Variants in ITPKB observed in about 807,000 individuals in gnomAD.
The protein encoded by ITPKB is IP3 3-kinase B.
Under a neutral mutation model 69.4 loss-of-function variants are expected in ITPKB, and 13 were observed. The observed-to-expected ratio is 0.19, with a 90% CI of 0.12 to 0.30. The LOEUF (loss-of-function observed/expected upper bound fraction) is 0.30. ITPKB is among the 10% of genes least tolerant of loss of function. The pLI is 1.00. For missense variants in ITPKB, 1,240 were observed against 1,250.5 expected (o/e 0.99, Z 0.13); for synonymous variants, 584 against 513.7 (o/e 1.14, Z -1.85).
At chr1:226,671,095 T>C (rs911835624) in intron 2 of ITPKB, among the ~76,000 whole-genome samples, 2 of 152,218 alleles carry the variant, frequency 1.3e-5, no homozygotes, top group African/African-American at 4.8e-5. Context: ...GCTTTCTTCC[T>C]GTAGGTTCTG....
chr1:226,732,034 A>G (rs1657601783), intron 2 of ITPKB, among the ~76,000 whole-genome samples: 2 of 144,022 alleles, frequency 1.4e-5, no homozygotes, highest in Admixed American at 7.3e-5. Flanking sequence ...AACTGTTTGG[A>G]TTTTTTACTA....
In ITPKB at chr1:226,736,877, G is replaced by A. The variant is rs751113382; in HGVS notation, c.582C>T (p.Gly194=). 4.3e-6 allele frequency: 7 copies of A among 1,610,542 alleles called. No individual in the cohort carries two copies. Among genetic ancestry groups the A allele is most frequent in the Non-Finnish European group, 5.9e-6 (7 of 1,180,002 alleles). Residue 194 remains glycine (G), a synonymous_variant, in exon 2 of 8, where the codon GGC becomes GGT. Transcript: ENST00000429204. ...TTGTCCTCCGTTCCTCGCTCCGGGCGCCCTGAACCAGGACCCTTCCAGGGG... is the reference window on the plus strand; with the variant it reads ...TTGTCCTCCGTTCCTCGCTCCGGGCACCCTGAACCAGGACCCTTCCAGGGG... ...SQPPGRVLVQ[G]ARSEERRTKS...
chr1:226,709,103 C>T (rs1002642654), intron 2 of ITPKB, among the ~76,000 whole-genome samples: 11 of 152,234 alleles, frequency 7.2e-5, no homozygotes, highest in Admixed American at 5.9e-4. Flanking sequence ...GCCTCTGGGC[C>T]ACCAGCTGTC....
chr1:226,729,235 G>A (rs1284960062), intron 2 of ITPKB, among the ~76,000 whole-genome samples: 2 of 152,052 alleles, frequency 1.3e-5, no homozygotes, highest in African/African-American at 4.8e-5. Flanking sequence ...TGTAATCCCA[G>A]CACTTTGGGA....
rs1258939349 is a variant in ITPKB at position 226,679,615 on chromosome 1, AAAG to A, written c.1933-30847_1933-30845del. Among the ~76,000 whole-genome samples, 3 of 152,246 alleles carry A rather than the reference AAAG, an allele frequency of 2.0e-5. No individual in the cohort carries two copies. The East Asian group carries it at 5.8e-4, about 29-fold the overall frequency. On this transcript the variant is annotated intron_variant, in intron 2 of 7. Transcript: ENST00000429204. ...TGATGTTGAAAGAAGAAAGACGATA[AAAG>A]AAGGTTTTCCTCATCAGTCATTCAA... is the stretch of plus-strand genomic sequence containing the variant.
At chr1:226,700,691 T>C (rs371634090) in intron 2 of ITPKB, among the ~76,000 whole-genome samples, 5 of 152,234 alleles carry the variant, frequency 3.3e-5, no homozygotes, top group East Asian at 3.9e-4. Context: ...CAGGCTAGGA[T>C]TGAAACTCAG....
At chr1:226,678,487 A>ACT (rs1655968549) in intron 2 of ITPKB, among the ~76,000 whole-genome samples, 4 of 152,340 alleles carry the variant, frequency 2.6e-5, no homozygotes, top group Admixed American at 2.6e-4. Flanking sequence ...GTGGTTAGGA[A>ACT]CATGGTCTCT....
chr1:226,697,833 G>C (rs1007747041), intron 2 of ITPKB, among the ~76,000 whole-genome samples: 2 of 152,230 alleles, frequency 1.3e-5, no homozygotes, highest in Admixed American at 1.3e-4. Flanking sequence ...TCTGTGGCCT[G>C]CCCTGGCAGA....
intron 2 of ITPKB, 61 bp downstream of exon 2, chr1:226,735,466 G>A: frequency 6.9e-7 from 1 of 1,444,538 alleles, no homozygotes; most frequent in Non-Finnish European, 9.1e-7. Context: ...GGGATGCATA[G>A]GGCATCAAAA....
chr1:226,650,104 G>C (rs1669156478), intron 2 of ITPKB, among the ~76,000 whole-genome samples: 1 of 152,222 alleles, frequency 6.6e-6, no homozygotes. Flanking sequence ...TGAAGATGTG[G>C]TTCCCACTCC....
chr1:226,684,819 G>C (rs768275924), intron 2 of ITPKB, among the ~76,000 whole-genome samples: 2 of 152,188 alleles, frequency 1.3e-5, no homozygotes, highest in Non-Finnish European at 1.5e-5. Flanking sequence ...GACGTCCCTA[G>C]AGGCACACAG....
chr1:226,675,300 T>A (rs1214277690), intron 2 of ITPKB, among the ~76,000 whole-genome samples: 1 of 152,178 alleles, frequency 6.6e-6, no homozygotes, highest in Non-Finnish European at 1.5e-5. Context: ...CAACTTTCCA[T>A]TAGCAGCGTT....
Position 226,719,400 on chromosome 1 carries a change from C to T in ITPKB, c.1932+16127G>A, listed in dbSNP as rs76767865. Among the ~76,000 whole-genome samples the T allele has an allele frequency of 1.7e-4, 26 of 152,308 alleles. 1 individual carries two copies. In the East Asian group the frequency reaches 4.1e-3, roughly 24 times the overall value. On this transcript the variant is annotated intron_variant, in intron 2 of 7. Coordinates refer to ENST00000429204, the MANE Select transcript of ITPKB (RefSeq NM_002221.4). Reference sequence around the variant, plus strand: ...CCGTGCCCTGTGGTCGGTCACTTGCCGCCCCACATGGCCTTTACGATGGAG... The same window carrying T: ...CCGTGCCCTGTGGTCGGTCACTTGCTGCCCCACATGGCCTTTACGATGGAG...
chr1:226,673,600 T>C lies in ITPKB; in HGVS notation c.1933-24829A>G, dbSNP rs80065388. Among the ~76,000 whole-genome samples the C allele has an allele frequency of 1.7e-3, 263 of 152,316 alleles. 3 individuals carry two copies. The highest frequency in any genetic ancestry group is 6.2e-3 in the African/African-American group (256 of 41,574). On this transcript the variant is annotated intron_variant, in intron 2 of 7. Coordinates refer to ENST00000429204, the MANE Select transcript of ITPKB (RefSeq NM_002221.4). ...AAGGGATCCTTCTAAATTCTCTAGA[T>C]GTATGGAAATCTTTGACAGGTCTTC...
intron 2 of ITPKB, among the ~76,000 whole-genome samples, chr1:226,676,684 A>G (rs578106772): frequency 6.6e-6 from 1 of 152,376 alleles, no homozygotes; most frequent in African/African-American, 2.4e-5. Flanking sequence ...TGAGAATAAC[A>G]CAGAAATCTG....
chr1:226,666,047 C>T (rs551029007), intron 2 of ITPKB, among the ~76,000 whole-genome samples: 88 of 152,182 alleles, frequency 5.8e-4, no homozygotes, highest in Non-Finnish European at 9.8e-4. Context: ...TCCCCACCAG[C>T]CTGCCTAAAA....
In ITPKB at chr1:226,642,325, C is replaced by CT. The variant is rs904999163; in HGVS notation, c.2247-201dup. ...TGGGGCTGGCTCTAATTTTTCTTTT[C>CT]TTTTTTTTTTAGACAATTTTTTTAG... On this transcript the variant is annotated intron_variant, in intron 4 of 7. Transcript: ENST00000429204. The surrounding 1 kb of genome is among the most constrained non-coding windows in gnomAD (Gnocchi z 6.4). Among the ~76,000 whole-genome samples, 13 of 149,014 alleles carry CT rather than the reference C, an allele frequency of 8.7e-5. No homozygotes were observed. Among genetic ancestry groups the CT allele is most frequent in the African/African-American group, 1.5e-4 (6 of 40,638 alleles).
At chr1:226,675,360 C>A (rs1669712152) in intron 2 of ITPKB, among the ~76,000 whole-genome samples, 1 of 152,212 alleles carries the variant, frequency 6.6e-6, no homozygotes, top group African/African-American at 2.4e-5. Flanking sequence ...TCCCCAGAGT[C>A]CTGAGACGAG....
intron 2 of ITPKB, among the ~76,000 whole-genome samples, chr1:226,727,871 G>T (rs1657471333): frequency 6.6e-6 from 1 of 152,122 alleles, no homozygotes. Flanking sequence ...CCTAATCTTG[G>T]TCACCAGGTC....
Sources: allele counts gnomAD v4.1 joint callset (sites outside exome capture counted in the v4.1 genomes callset), GRCh38; gene constraint gnomAD v4.1.1; non-coding constraint Gnocchi (gnomAD v3.1); transcripts MANE v1.5; gene names NCBI Gene and HGNC (gene_info 2026-07-23, HGNC 2026-07-21).